Variants in SLC10A7 observed in about 807,000 individuals in gnomAD.
The protein encoded by SLC10A7 is sodium/bile acid cotransporter 7.
A neutral mutation model predicts 43.2 loss-of-function variants in SLC10A7; 29 were observed. The observed-to-expected ratio is 0.67, with a 90% CI of 0.50 to 0.92. The LOEUF (loss-of-function observed/expected upper bound fraction) is 0.92, where lower values mean the gene tolerates loss of function less well. SLC10A7 is among the 40% of genes least tolerant of loss of function. The pLI, the probability that SLC10A7 is intolerant of heterozygous loss-of-function variation, is 0.00. For synonymous variants in SLC10A7, 152 were observed against 144.8 expected, an observed-to-expected ratio of 1.05 and a Z score of -0.35; for missense variants, 295 against 403.2, an observed-to-expected ratio of 0.73 and a Z score of 2.30.
chr4:146,420,656 T>C (rs1232505101), intron 5 of SLC10A7, among the ~76,000 whole-genome samples: 1 of 152,188 alleles, frequency 6.6e-6, no homozygotes, highest in African/African-American at 2.4e-5. Flanking sequence ...TCAAAGTTTC[T>C]AATTTTAAAA....
intron 6 of SLC10A7, among the ~76,000 whole-genome samples, chr4:146,310,743 A>G (rs1731918045): frequency 6.6e-6 from 1 of 152,126 alleles, no homozygotes; most frequent in African/African-American, 2.4e-5. Flanking sequence ...ACAGTGGCAC[A>G]GAACAGTTAA....
At chr4:146,273,850 A>C (rs553785672) in intron 10 of SLC10A7, among the ~76,000 whole-genome samples, 2 of 152,164 alleles carry the variant, frequency 1.3e-5, no homozygotes, top group East Asian at 3.9e-4. Context: ...ATCTGTTTAC[A>C]AGCCCTGTAT....
At chr4:146,374,695 G>A (rs1184356989) in intron 5 of SLC10A7, among the ~76,000 whole-genome samples, 1 of 150,264 alleles carries the variant, frequency 6.7e-6, no homozygotes, top group Non-Finnish European at 1.5e-5. Flanking sequence ...GACCACTATG[G>A]AAAGTAAGGG....
intron 11 of SLC10A7, among the ~76,000 whole-genome samples, chr4:146,258,152 C>G (rs1727994301): frequency 6.6e-6 from 1 of 152,320 alleles, no homozygotes; most frequent in East Asian, 1.9e-4. Context: ...GTACAAGATT[C>G]TAAGTGTGGT....
chr4:146,295,577 C>T (rs942351826), intron 7 of SLC10A7, among the ~76,000 whole-genome samples: 3 of 151,970 alleles, frequency 2.0e-5, no homozygotes, highest in Non-Finnish European at 2.9e-5. Context: ...TATTAGAACA[C>T]AAATTTTGGA....
At chr4:146,270,251 T>G (rs796373195) in intron 10 of SLC10A7, among the ~76,000 whole-genome samples, 22 of 152,286 alleles carry the variant, frequency 1.4e-4, no homozygotes, top group African/African-American at 5.3e-4. Flanking sequence ...GCAGAAGAAA[T>G]TTAAAAAACC....
At chr4:146,259,913 C>T (rs77521437) in intron 10 of SLC10A7, among the ~76,000 whole-genome samples, 3,800 of 152,272 alleles carry the variant, frequency 0.025, 81 homozygotes, top group South Asian at 0.066. Context: ...CTGAAAAGGA[C>T]CTAAGCTCCT....
intron 5 of SLC10A7, among the ~76,000 whole-genome samples, chr4:146,338,662 G>A (rs1734055333): frequency 6.6e-6 from 1 of 151,952 alleles, no homozygotes; most frequent in South Asian, 2.1e-4. Flanking sequence ...GGAAACACAA[G>A]GAGTAGCATT....
chr4:146,512,729 T>A (rs1479988743), intron 2 of SLC10A7, among the ~76,000 whole-genome samples: 3 of 152,220 alleles, frequency 2.0e-5, no homozygotes, highest in Admixed American at 1.3e-4. Context: ...AAACTACATA[T>A]ATCATTTGAC....
intron 5 of SLC10A7, among the ~76,000 whole-genome samples, chr4:146,399,643 G>C (rs1425018960): frequency 6.6e-6 from 1 of 152,096 alleles, no homozygotes; most frequent in Non-Finnish European, 1.5e-5. Flanking sequence ...AAATAGATCC[G>C]ATAGCATTTT....
chr4:146,295,180 T>C lies in SLC10A7; in HGVS notation c.556-1085A>G, dbSNP rs140964894. Reference sequence around the variant, plus strand: ...ACTCTCAATAGAATCTTTGAACAACTGGCTGTTGGATCAACTTCAACTGTT... The same window carrying C: ...ACTCTCAATAGAATCTTTGAACAACCGGCTGTTGGATCAACTTCAACTGTT... On this transcript the variant is annotated intron_variant, in intron 7 of 11. Transcript: ENST00000335472. Among the ~76,000 whole-genome samples, 327 of 152,270 alleles carry C rather than the reference T, an allele frequency of 2.1e-3. 1 individual carries two copies. Among genetic ancestry groups the C allele is most frequent in the African/African-American group, 7.5e-3 (312 of 41,574 alleles).
intron 5 of SLC10A7, among the ~76,000 whole-genome samples, chr4:146,370,649 C>T (rs1736707101): frequency 6.6e-6 from 1 of 152,070 alleles, no homozygotes; most frequent in African/African-American, 2.4e-5. Flanking sequence ...GGCATTCAGC[C>T]TTTTTTAATC....
intron 5 of SLC10A7, among the ~76,000 whole-genome samples, chr4:146,390,791 G>A (rs768399390): frequency 1.3e-5 from 2 of 151,990 alleles, no homozygotes; most frequent in East Asian, 3.9e-4. Context: ...AGTCTACTGG[G>A]TTTAAACTTG....
chr4:146,261,807 G>A (rs2110993563), intron 10 of SLC10A7, among the ~76,000 whole-genome samples: 1 of 152,280 alleles, frequency 6.6e-6, no homozygotes, highest in South Asian at 2.1e-4. Flanking sequence ...AGCTCCCAGA[G>A]GTCATGGTCC....
intron 11 of SLC10A7, 144 bp from the exon 12 acceptor site, chr4:146,256,664 G>T: frequency 9.5e-7 from 1 of 1,055,784 alleles, no homozygotes; most frequent in Non-Finnish European, 1.4e-6. Flanking sequence ...CCAAACCTCT[G>T]GATACAAACA....
intron 9 of SLC10A7, among the ~76,000 whole-genome samples, chr4:146,292,271 A>G (rs1263649364): frequency 1.3e-5 from 2 of 152,248 alleles, no homozygotes; most frequent in Non-Finnish European, 2.9e-5. Context: ...TGGAAGCACT[A>G]TGAAATGCAT....
At chr4:146,315,065 T>C (rs1351051825) in intron 6 of SLC10A7, among the ~76,000 whole-genome samples, 1 of 152,054 alleles carries the variant, frequency 6.6e-6, no homozygotes, top group Non-Finnish European at 1.5e-5. Flanking sequence ...AAGCAAGATG[T>C]AGTTGGGGAG....
chr4:146,487,958 A>G (rs1222965519), intron 4 of SLC10A7, among the ~76,000 whole-genome samples: 2 of 151,998 alleles, frequency 1.3e-5, no homozygotes, highest in Admixed American at 6.6e-5. Context: ...GCTGGGAGGT[A>G]GGAGGATTGC....
At chr4:146,408,966 A>G (rs1727935416) in intron 5 of SLC10A7, among the ~76,000 whole-genome samples, 1 of 152,182 alleles carries the variant, frequency 6.6e-6, no homozygotes, top group African/African-American at 2.4e-5. Flanking sequence ...GCTAAGTGGA[A>G]ATTCCAAGAG....
Sources: allele counts gnomAD v4.1 joint callset (sites outside exome capture counted in the v4.1 genomes callset), GRCh38; gene constraint gnomAD v4.1.1; transcripts MANE v1.5; gene names NCBI Gene and HGNC (gene_info 2026-07-23, HGNC 2026-07-21).